Variants in ATF7IP observed in about 807,000 individuals in gnomAD.
ATF7IP encodes activating transcription factor 7-interacting protein 1.
ATF7IP carries 23 observed loss-of-function variants against 106.4 expected under a neutral mutation model. The observed-to-expected ratio is 0.22, with a 90% confidence interval of 0.16 to 0.31. The LOEUF (loss-of-function observed/expected upper bound fraction) is 0.31, where lower values mean the gene tolerates loss of function less well. Ranked by LOEUF, ATF7IP falls within the 10% of genes least tolerant of loss-of-function variation. The pLI, the probability that ATF7IP is intolerant of heterozygous loss-of-function variation, is 1.00. For missense variants in ATF7IP, 1,334 were observed against 1,524.3 expected, an observed-to-expected ratio of 0.88 and a Z score of 2.08; for synonymous variants, 542 against 539.0, an observed-to-expected ratio of 1.01 and a Z score of -0.08.
chr12:14,459,907 T>G (rs1943576129), intron 8 of ATF7IP, among the ~76,000 whole-genome samples: 1 of 152,206 alleles, frequency 6.6e-6, no homozygotes, highest in Non-Finnish European at 1.5e-5. Flanking sequence ...CAGTGCTGTT[T>G]TCCATATCAT....
At chr12:14,475,815 C>G (rs1944243059) in intron 10 of ATF7IP, 75 bp from the exon 11 acceptor site, 1 of 1,184,574 alleles carries the variant, frequency 8.4e-7, no homozygotes, top group African/African-American at 1.5e-5. Flanking sequence ...CATTTTACCT[C>G]ACTTATCATC....
intron 13 of ATF7IP, among the ~76,000 whole-genome samples, chr12:14,495,859 C>G (rs576392979): frequency 2.5e-4 from 38 of 152,142 alleles, no homozygotes; most frequent in Non-Finnish European, 4.6e-4. Flanking sequence ...AACCAGTGTT[C>G]TAGGATTTTT....
chr12:14,423,836 C>G, intron 1 of ATF7IP, 73 bp from the exon 2 acceptor site: 1 of 1,468,736 alleles, frequency 6.8e-7, no homozygotes, highest in South Asian at 1.4e-5. Flanking sequence ...CTTCTAAGAT[C>G]AATTTGTATT....
At chr12:14,368,953 C>T (rs1017539777) in intron 1 of ATF7IP, among the ~76,000 whole-genome samples, 18 of 151,248 alleles carry the variant, frequency 1.2e-4, no homozygotes, top group African/African-American at 4.1e-4. Flanking sequence ...ATGTACTGCC[C>T]CCCTTTTTTT....
chr12:14,491,982 G>T (rs528781144), intron 13 of ATF7IP, among the ~76,000 whole-genome samples: 4 of 152,218 alleles, frequency 2.6e-5, no homozygotes, highest in African/African-American at 9.6e-5. Context: ...GTACCTCCAG[G>T]TATGGGATAT....
At chr12:14,407,301 G>A (rs1591804958) in intron 1 of ATF7IP, among the ~76,000 whole-genome samples, 1 of 152,012 alleles carries the variant, frequency 6.6e-6, no homozygotes, top group Non-Finnish European at 1.5e-5. Flanking sequence ...ACATGACTTG[G>A]CTGTCAAACC....
At chr12:14,454,086 C>G (rs1943320854) in intron 6 of ATF7IP, among the ~76,000 whole-genome samples, 1 of 152,144 alleles carries the variant, frequency 6.6e-6, no homozygotes, top group Non-Finnish European at 1.5e-5. Flanking sequence ...GAAAAAACAG[C>G]CACATCTCCC....
intron 13 of ATF7IP, among the ~76,000 whole-genome samples, chr12:14,488,214 G>C (rs1256513441): frequency 1.3e-5 from 2 of 151,892 alleles, no homozygotes; most frequent in Middle Eastern, 3.4e-3. Context: ...ACACACACAC[G>C]TATCCTATAA....
chr12:14,458,678 C>G (rs146421200), intron 8 of ATF7IP, among the ~76,000 whole-genome samples: 3 of 152,116 alleles, frequency 2.0e-5, no homozygotes, highest in African/African-American at 7.2e-5. Context: ...CAAAAAGTAG[C>G]CAGACATGGT....
intron 1 of ATF7IP, among the ~76,000 whole-genome samples, chr12:14,371,853 T>C (rs2136393938): frequency 6.6e-6 from 1 of 152,224 alleles, no homozygotes; most frequent in East Asian, 1.9e-4. Flanking sequence ...CTATGGAAAA[T>C]TTATGCATTG....
intron 9 of ATF7IP, among the ~76,000 whole-genome samples, chr12:14,463,925 T>C (rs1464939001): frequency 3.9e-5 from 6 of 152,138 alleles, no homozygotes; most frequent in Admixed American, 6.5e-5. Context: ...AAACTAGATA[T>C]TAAAAAAAGA....
intron 1 of ATF7IP, among the ~76,000 whole-genome samples, chr12:14,420,748 T>A (rs767258174): frequency 2.0e-5 from 3 of 152,246 alleles, no homozygotes; most frequent in Non-Finnish European, 2.9e-5. Flanking sequence ...TGGTTTTATG[T>A]CCAACCAGAG....
At position 14,501,049 on chromosome 12, in the gene ATF7IP, C is replaced by T. The variant is rs910439124; in HGVS notation, c.*2976C>T. 1 of 152,144 alleles carries T rather than the reference C, an allele frequency of 6.6e-6. No homozygotes were observed. The highest frequency in any genetic ancestry group is 6.5e-5 in the Admixed American group (1 of 15,278). The allele number at this position is 152,144 out of a possible 1,614,324, so 9.4% of individuals were successfully genotyped here. A position where few individuals can be genotyped will look rare whatever the true frequency, so the allele number is the denominator to read the frequency against. On this transcript the variant is annotated 3_prime_UTR_variant, in exon 15 of 15. Transcript: ENST00000261168. ...TTACTAGAGGTGCTAAGTTAGAACA[C>T]TAGGCTTTTATTGAGGCAGGTTTTA...
In ATF7IP at chr12:14,454,080, AAAC is replaced by A. The variant is rs1275901267; in HGVS notation, c.1996-2479_1996-2477del. On this transcript the variant is annotated intron_variant, in intron 6 of 14. Transcript: ENST00000261168. ...CTTGTTGAAATTTTAGCATTTGAAA[AAAC>A]AGCCACATCTCCCAGTCTTTGTGGA... Among the ~76,000 whole-genome samples, 33 of 152,144 alleles carry A rather than the reference AAAC, an allele frequency of 2.2e-4. 1 individual carries two copies. The highest frequency in any genetic ancestry group is 4.6e-4 in the Non-Finnish European group (31 of 68,024).
intron 1 of ATF7IP, among the ~76,000 whole-genome samples, chr12:14,408,091 CACTT>C (rs1237074958): frequency 1.4e-5 from 2 of 146,092 alleles, no homozygotes; most frequent in African/African-American, 2.6e-5. Flanking sequence ...AATAGAAAAA[CACTT>C]AAATATATAG....
At chr12:14,433,245 G>T (rs1942227989) in intron 2 of ATF7IP, among the ~76,000 whole-genome samples, 1 of 152,082 alleles carries the variant, frequency 6.6e-6, no homozygotes, top group Non-Finnish European at 1.5e-5. Flanking sequence ...AGTGGCTTAT[G>T]CCTGTAATCT....
intron 5 of ATF7IP, among the ~76,000 whole-genome samples, chr12:14,444,928 G>A (rs1033748119): frequency 1.3e-4 from 20 of 151,406 alleles, no homozygotes; most frequent in Non-Finnish European, 2.4e-4. Flanking sequence ...TTTTGGGGGG[G>A]CTTAAGTAAA....
chr12:14,380,874 C>T (rs1938975759), intron 1 of ATF7IP, among the ~76,000 whole-genome samples: 1 of 152,212 alleles, frequency 6.6e-6, no homozygotes, highest in African/African-American at 2.4e-5. Context: ...CCTCCCTTGG[C>T]CTCCCAAAGT....
At chr12:14,471,106 T>C (rs977232874) in intron 10 of ATF7IP, among the ~76,000 whole-genome samples, 3 of 152,204 alleles carry the variant, frequency 2.0e-5, no homozygotes, top group Non-Finnish European at 4.4e-5. Context: ...TTTTTATTAT[T>C]GATTTTTCAT....
Sources: allele counts gnomAD v4.1 joint callset (sites outside exome capture counted in the v4.1 genomes callset), GRCh38; gene constraint gnomAD v4.1.1; transcripts MANE v1.5; gene names NCBI Gene and HGNC (gene_info 2026-07-23, HGNC 2026-07-21).